Variants in CADM2 observed in about 807,000 individuals in gnomAD.
CADM2 encodes the protein immunoglobulin superfamily member 4D.
A neutral mutation model predicts 49.8 loss-of-function variants in CADM2; 12 were observed. The ratio of observed to expected loss-of-function variants is 0.24; its 90% CI spans 0.15 to 0.39. The LOEUF is 0.39. Ranked by LOEUF, CADM2 falls within the 10% of genes least tolerant of loss-of-function variation. CADM2 has a pLI of 1.00. For missense variants in CADM2, 378 were observed against 492.3 expected (o/e 0.77, Z 2.20); for synonymous variants, 214 against 175.4 (o/e 1.22, Z -1.74).
intron 1 of CADM2, among the ~76,000 whole-genome samples, chr3:85,048,514 G>A (rs1196874453): frequency 1.3e-5 from 2 of 152,094 alleles, no homozygotes; most frequent in African/African-American, 4.8e-5. Context: ...ATCATAAGGA[G>A]AATTAAACTT....
intron 3 of CADM2, among the ~76,000 whole-genome samples, chr3:85,850,334 TTTTTTTTTGA>T (rs1258820009): frequency 1.5e-5 from 2 of 130,644 alleles, no homozygotes; most frequent in Non-Finnish European, 3.2e-5. Context: ...TTTTTTTTTT[TTTTTTTTTGA>T]GACAGAGTCT....
At chr3:85,697,029 A>G (rs1299194654) in intron 1 of CADM2, among the ~76,000 whole-genome samples, 1 of 150,680 alleles carries the variant, frequency 6.6e-6, no homozygotes, top group African/African-American at 2.4e-5. Flanking sequence ...TAAACTTCAT[A>G]GAGCTTCATA....
At chr3:84,967,809 A>G (rs2031119839) in intron 1 of CADM2, among the ~76,000 whole-genome samples, 1 of 152,092 alleles carries the variant, frequency 6.6e-6, no homozygotes, top group African/African-American at 2.4e-5. Context: ...AGGATAAAAC[A>G]TGTGCAATGT....
intron 1 of CADM2, among the ~76,000 whole-genome samples, chr3:85,336,937 C>T (rs1429405879): frequency 8.5e-6 from 1 of 117,704 alleles, no homozygotes; most frequent in East Asian, 2.3e-4. Context: ...TTAAAATGAA[C>T]TAAATATATA....
chr3:85,421,857 C>G (rs2036187379), intron 1 of CADM2, among the ~76,000 whole-genome samples: 1 of 152,196 alleles, frequency 6.6e-6, no homozygotes, highest in South Asian at 2.1e-4. Context: ...TATGGTGGCA[C>G]TAAGTATCAA....
At chr3:85,016,990 C>A (rs1345239740) in intron 1 of CADM2, among the ~76,000 whole-genome samples, 1 of 152,156 alleles carries the variant, frequency 6.6e-6, no homozygotes, top group South Asian at 2.1e-4. Flanking sequence ...TAAATGAAAT[C>A]CACCCACCAA....
intron 1 of CADM2, among the ~76,000 whole-genome samples, chr3:85,651,405 T>A (rs940410823): frequency 1.3e-5 from 2 of 152,162 alleles, no homozygotes; most frequent in African/African-American, 4.8e-5. Flanking sequence ...TCCTAAGGAT[T>A]GTATAACAGT....
At chr3:85,477,784 A>G (rs1324202056) in intron 1 of CADM2, among the ~76,000 whole-genome samples, 1 of 151,902 alleles carries the variant, frequency 6.6e-6, no homozygotes, top group Non-Finnish European at 1.5e-5. Flanking sequence ...TCTATGTACA[A>G]CCAACAAGTC....
chr3:85,498,171 GTT>G (rs61505551), intron 1 of CADM2, among the ~76,000 whole-genome samples: 137 of 134,588 alleles, frequency 1.0e-3, no homozygotes, highest in Middle Eastern at 7.8e-3. Flanking sequence ...TTGTTGCCAA[GTT>G]TTTTTTTTTT....
At chr3:85,769,713 A>G (rs1416244564) in intron 2 of CADM2, among the ~76,000 whole-genome samples, 2 of 147,878 alleles carry the variant, frequency 1.4e-5, no homozygotes, top group Admixed American at 6.9e-5. Context: ...TATTTTGCAT[A>G]CCAATTTGAT....
chr3:85,943,531 T>A (rs1306330715), intron 7 of CADM2, among the ~76,000 whole-genome samples: 2 of 151,456 alleles, frequency 1.3e-5, no homozygotes, highest in Non-Finnish European at 2.9e-5. Context: ...AAGGAAGGGA[T>A]CCAGTTTCAG....
chr3:85,803,861 C>A (rs2072230342), intron 3 of CADM2, among the ~76,000 whole-genome samples: 1 of 152,114 alleles, frequency 6.6e-6, no homozygotes, highest in Admixed American at 6.6e-5. Context: ...AACCAAACAT[C>A]TGGGAACAGT....
intron 1 of CADM2, among the ~76,000 whole-genome samples, chr3:85,315,596 A>G (rs1190189070): frequency 2.0e-5 from 3 of 152,222 alleles, no homozygotes; most frequent in Non-Finnish European, 4.4e-5. Flanking sequence ...CACAAGTACA[A>G]ACAATTTTTG....
intron 7 of CADM2, among the ~76,000 whole-genome samples, chr3:85,955,861 C>T (rs933675008): frequency 4.6e-5 from 7 of 151,448 alleles, no homozygotes; most frequent in Admixed American, 1.3e-4. Flanking sequence ...CATCAATGAA[C>T]GCCTCAGGAT....
At chr3:85,015,027 T>A (rs572969013) in intron 1 of CADM2, among the ~76,000 whole-genome samples, 97 of 152,192 alleles carry the variant, frequency 6.4e-4, no homozygotes, top group Middle Eastern at 3.4e-3. Context: ...TTTTTGAAAA[T>A]CCAAAACTGC....
At chr3:85,805,464 A>G (rs906029051) in intron 3 of CADM2, 1 of 152,056 alleles carries the variant, frequency 6.6e-6, no homozygotes, top group African/African-American at 2.4e-5. Context: ...CTATTCCCTC[A>G]TATGTCAGTG....
intron 1 of CADM2, chr3:85,511,888 A>G: frequency 1.0e-6 from 1 of 981,736 alleles, no homozygotes. Context: ...GTGTAATCAG[A>G]CTGCATCAAG....
At chr3:85,073,502 T>C (rs1218627806) in intron 1 of CADM2, among the ~76,000 whole-genome samples, 1 of 152,120 alleles carries the variant, frequency 6.6e-6, no homozygotes, top group Non-Finnish European at 1.5e-5. Flanking sequence ...AACATAACTC[T>C]TACTGTTCTT....
intron 1 of CADM2, among the ~76,000 whole-genome samples, chr3:85,402,617 G>A (rs1395702478): frequency 6.6e-6 from 1 of 152,148 alleles, no homozygotes; most frequent in Non-Finnish European, 1.5e-5. Context: ...ACTGACCAAA[G>A]CAGTGAGAAA....
Sources: gnomAD v4.1 joint callset for allele counts (sites outside exome capture counted in the v4.1 genomes callset) on GRCh38, gnomAD v4.1.1 for gene constraint, MANE v1.5 for transcripts, NCBI Gene and HGNC (gene_info 2026-07-23, HGNC 2026-07-21) for gene names.